Variants in GRM1 observed in about 807,000 individuals in gnomAD.
GRM1 encodes glutamate metabotropic receptor 1, also known as metabotropic glutamate receptor 1.
In GRM1, 33 loss-of-function variants were observed where a neutral mutation model predicts 90.9. That is an observed-to-expected ratio of 0.36 (90% CI 0.28 to 0.49). GRM1 has a LOEUF of 0.49. Ranked by LOEUF, GRM1 falls within the 20% of genes least tolerant of loss-of-function variation. The pLI, the probability that GRM1 is intolerant of heterozygous loss-of-function variation, is 0.99. For synonymous variants in GRM1, 700 were observed against 613.2 expected (o/e 1.14, Z -2.09); for missense variants, 1,190 against 1,534.3 (o/e 0.78, Z 3.75).
intron 2 of GRM1, among the ~76,000 whole-genome samples, chr6:146,227,340 T>C (rs1337517434): frequency 6.6e-6 from 1 of 152,242 alleles, no homozygotes; most frequent in East Asian, 1.9e-4. Context: ...TCACCTTAAG[T>C]CTGTAATTTA....
intron 2 of GRM1, among the ~76,000 whole-genome samples, chr6:146,287,724 G>C (rs887471422): frequency 2.0e-5 from 3 of 152,188 alleles, no homozygotes; most frequent in Admixed American, 6.5e-5. Flanking sequence ...AGAGGAAAGT[G>C]TGGTAATAGA....
chr6:146,267,760 C>A (rs990501156), intron 2 of GRM1, among the ~76,000 whole-genome samples: 2 of 147,232 alleles, frequency 1.4e-5, no homozygotes, highest in Non-Finnish European at 3.0e-5. Context: ...CGTCTCGTCT[C>A]TTCATGTTTT....
At chr6:146,235,530 T>C (rs549755827) in intron 2 of GRM1, among the ~76,000 whole-genome samples, 1 of 152,132 alleles carries the variant, frequency 6.6e-6, no homozygotes, top group Non-Finnish European at 1.5e-5. Context: ...ATTATGCATG[T>C]TAGGTTGTTT....
intron 3 of GRM1, among the ~76,000 whole-genome samples, chr6:146,340,930 G>A (rs1337639719): frequency 1.3e-5 from 2 of 152,168 alleles, no homozygotes; most frequent in Non-Finnish European, 2.9e-5. Context: ...TTCAGTTGGA[G>A]GATGCTACAA....
At chr6:146,347,650 T>A (rs1307545159) in intron 3 of GRM1, among the ~76,000 whole-genome samples, 2 of 152,144 alleles carry the variant, frequency 1.3e-5, no homozygotes, top group Non-Finnish European at 2.9e-5. Flanking sequence ...ATTGCTGGGA[T>A]AAATTAAGAA....
chr6:146,412,814 T>C (rs969050988), intron 7 of GRM1, among the ~76,000 whole-genome samples: 1 of 152,224 alleles, frequency 6.6e-6, no homozygotes, highest in Non-Finnish European at 1.5e-5. Context: ...CTACTAATAC[T>C]ACCACTACCA....
chr6:146,388,295 C>T (rs965330799), intron 6 of GRM1, among the ~76,000 whole-genome samples: 1 of 151,940 alleles, frequency 6.6e-6, no homozygotes, highest in Non-Finnish European at 1.5e-5. Flanking sequence ...AGAAGCAGAA[C>T]CTAGTCCACT....
At chr6:146,280,290 C>T (rs985829940) in intron 2 of GRM1, among the ~76,000 whole-genome samples, 1 of 152,076 alleles carries the variant, frequency 6.6e-6, no homozygotes, top group African/African-American at 2.4e-5. Context: ...GATCATAGCC[C>T]TGAGTTATCC....
chr6:146,367,570 C>G (rs1033297120), intron 5 of GRM1, among the ~76,000 whole-genome samples: 2 of 151,980 alleles, frequency 1.3e-5, no homozygotes, highest in South Asian at 4.2e-4. Flanking sequence ...CAACCCATGG[C>G]CCCCATAGTA....
chr6:146,309,477 T>C (rs1009131225), intron 3 of GRM1, among the ~76,000 whole-genome samples: 1 of 152,124 alleles, frequency 6.6e-6, no homozygotes, highest in Non-Finnish European at 1.5e-5. Flanking sequence ...TGCTTGAAAC[T>C]CTATGCATTC....
intron 1 of GRM1, among the ~76,000 whole-genome samples, chr6:146,149,150 T>G (rs189055190): frequency 6.6e-6 from 1 of 152,292 alleles, no homozygotes; most frequent in East Asian, 1.9e-4. Flanking sequence ...GAGGCATGAG[T>G]GTTTGTAACT....
chr6:146,363,593 G>T (rs1775573366), intron 5 of GRM1, among the ~76,000 whole-genome samples: 1 of 152,096 alleles, frequency 6.6e-6, no homozygotes, highest in Non-Finnish European at 1.5e-5. Flanking sequence ...GTATGTGTAT[G>T]TATGTATACA....
At chr6:146,270,034 T>C (rs1782055778) in intron 2 of GRM1, among the ~76,000 whole-genome samples, 1 of 152,010 alleles carries the variant, frequency 6.6e-6, no homozygotes. Context: ...ATGCTGAGGA[T>C]GCCTAAGTTT....
At chr6:146,197,420 T>C (rs1342404447) in intron 2 of GRM1, among the ~76,000 whole-genome samples, 1 of 152,202 alleles carries the variant, frequency 6.6e-6, no homozygotes, top group Non-Finnish European at 1.5e-5. Flanking sequence ...TGACTTATGG[T>C]CCTTGGAGCA....
At chr6:146,211,144 G>C (rs1028811750) in intron 2 of GRM1, among the ~76,000 whole-genome samples, 2 of 151,384 alleles carry the variant, frequency 1.3e-5, no homozygotes, top group African/African-American at 4.9e-5. Context: ...AAAAACATTT[G>C]GCTTAACTTG....
At chr6:146,055,164 T>G (rs904417333) in intron 1 of GRM1, among the ~76,000 whole-genome samples, 9 of 152,104 alleles carry the variant, frequency 5.9e-5, no homozygotes, top group African/African-American at 1.9e-4. Context: ...AAATGTATGT[T>G]GAATATCTGC....
intron 2 of GRM1, among the ~76,000 whole-genome samples, chr6:146,168,449 C>T (rs1032570664): frequency 1.1e-4 from 16 of 151,854 alleles, no homozygotes; most frequent in African/African-American, 2.9e-4. Context: ...ACTCAAAATA[C>T]ATTGTTATTT....
At chr6:146,409,574 TTTTGC>T (rs543423765) in intron 7 of GRM1, among the ~76,000 whole-genome samples, 1 of 152,164 alleles carries the variant, frequency 6.6e-6, no homozygotes, top group South Asian at 2.1e-4. Context: ...TTTTGTTTTG[TTTTGC>T]TTTGCTTTGT....
chr6:146,215,825 C>T (rs1779852147), intron 2 of GRM1, among the ~76,000 whole-genome samples: 1 of 151,278 alleles, frequency 6.6e-6, no homozygotes, highest in Non-Finnish European at 1.5e-5. Context: ...GGCTCGATCT[C>T]AGCTCACTGT....
Sources: gnomAD v4.1 joint callset for allele counts (sites outside exome capture counted in the v4.1 genomes callset) on GRCh38, gnomAD v4.1.1 for gene constraint, MANE v1.5 for transcripts, NCBI Gene and HGNC (gene_info 2026-07-23, HGNC 2026-07-21) for gene names.